ELAVL2: variants seen among roughly 807,000 people sequenced by gnomAD.
ELAVL2 encodes the protein ELAV-like protein 2.
A neutral mutation model predicts 34.6 loss-of-function variants in ELAVL2; 4 were observed. The observed-to-expected ratio is 0.12, with a 90% CI of 0.06 to 0.26. ELAVL2 has a LOEUF of 0.26. Among genes scored for constraint, ELAVL2 ranks in the 10% least tolerant of loss-of-function variants. The pLI is 1.00. For synonymous variants in ELAVL2, 193 were observed against 154.8 expected, an observed-to-expected ratio of 1.25 and a Z score of -1.83; for missense variants, 432 against 442.8, an observed-to-expected ratio of 0.98 and a Z score of 0.22.
chr9:23,697,295 C>T (rs1267331731), intron 5 of ELAVL2, among the ~76,000 whole-genome samples: 1 of 152,144 alleles, frequency 6.6e-6, no homozygotes, highest in Non-Finnish European at 1.5e-5. Flanking sequence ...ATTTCTCCTA[C>T]TCTTAGTACA....
chr9:23,798,167 T>A (rs1378344175), intron 1 of ELAVL2, among the ~76,000 whole-genome samples: 1 of 152,190 alleles, frequency 6.6e-6, no homozygotes, highest in East Asian at 1.9e-4. Context: ...CTTACAAGAT[T>A]CTAACTCAAA....
intron 1 of ELAVL2, among the ~76,000 whole-genome samples, chr9:23,820,360 G>A (rs898938992): frequency 1.3e-5 from 2 of 152,172 alleles, no homozygotes; most frequent in Non-Finnish European, 2.9e-5. Context: ...TGTCCTTGCC[G>A]AAGGTATTAC....
intron 2 of ELAVL2, among the ~76,000 whole-genome samples, chr9:23,759,356 G>A (rs1281686090): frequency 6.6e-6 from 1 of 151,848 alleles, no homozygotes; most frequent in Non-Finnish European, 1.5e-5. Context: ...GAAAAATGCT[G>A]ATCTCATTGG....
At chr9:23,775,552 T>A (rs1425391884) in intron 1 of ELAVL2, among the ~76,000 whole-genome samples, 8 of 152,134 alleles carry the variant, frequency 5.3e-5, no homozygotes, top group African/African-American at 1.9e-4. Flanking sequence ...CTTTCTCCAA[T>A]CCTTCCTCCA....
chr9:23,711,024 C>T (rs2040797175), intron 3 of ELAVL2, among the ~76,000 whole-genome samples: 1 of 152,140 alleles, frequency 6.6e-6, no homozygotes, highest in East Asian at 1.9e-4. Flanking sequence ...GTCTCAAACA[C>T]ACATCAAGGC....
chr9:23,762,276 C>A, intron 1 of ELAVL2, 27 bp from the exon 2 acceptor site: 1 of 1,609,666 alleles, frequency 6.2e-7, no homozygotes, highest in Non-Finnish European at 8.5e-7. Context: ...CAAGAAATGT[C>A]AGAATTCATA....
intron 1 of ELAVL2, among the ~76,000 whole-genome samples, chr9:23,805,632 A>G (rs529567316): frequency 1.3e-5 from 2 of 152,352 alleles, no homozygotes; most frequent in South Asian, 4.1e-4. Flanking sequence ...ACCTGGCCCA[A>G]TAACGCTTCT....
chr9:23,731,527 ACAT>A (rs1436556741), intron 2 of ELAVL2, among the ~76,000 whole-genome samples: 3 of 152,186 alleles, frequency 2.0e-5, no homozygotes, highest in African/African-American at 7.2e-5. Flanking sequence ...AAGACAGAAA[ACAT>A]CAACCAAGAA....
chr9:23,762,209 G>T lies in ELAVL2; in HGVS notation c.26C>A (p.Pro9Gln). The T allele has an allele frequency of 6.2e-7, 1 of 1,613,484 alleles. No homozygotes were observed. Among genetic ancestry groups the T allele is most frequent in the East Asian group, 2.2e-5 (1 of 44,864 alleles). Reference protein sequence around the residue: METQLSNGPTCNNTANGPT... With the variant: METQLSNGQTCNNTANGPT... ...ACCATTGGCTGTGTTATTGCAAGTT[G>T]GCCCATTAGACAGTTGTGTTTCCAT... The change falls in exon 2 of 7, where the codon CCA becomes CAA. Residue 9 changes from proline to glutamine, a missense_variant. Physicochemically the swap from Pro to Gln is moderately conservative, Grantham distance 76. This residue lies in a region of ELAVL2 where 132 missense variants were observed against 118.3 expected (regional missense o/e 1.12). Transcript: ENST00000397312.
At chr9:23,759,024 T>TA (rs1427158599) in intron 2 of ELAVL2, among the ~76,000 whole-genome samples, 2 of 151,836 alleles carry the variant, frequency 1.3e-5, no homozygotes, top group African/African-American at 4.8e-5. Flanking sequence ...CTCAAAAAAT[T>TA]AAAAACAGAA....
In ELAVL2 at chr9:23,742,736, C is replaced by T. The variant is rs529689643; in HGVS notation, c.230-11611G>A. On this transcript the variant is annotated intron_variant, in intron 2 of 6. Transcript: ENST00000397312. Reference sequence around the variant, plus strand: ...AATTTCCAAAGGACATCCATCGTCCCCAGTCGACACAAGGATTAAGTATAA... The same window carrying T: ...AATTTCCAAAGGACATCCATCGTCCTCAGTCGACACAAGGATTAAGTATAA... 3.9e-5 allele frequency among the ~76,000 whole-genome samples: 6 copies of T among 152,238 alleles called. No individual in the cohort carries two copies. The East Asian group carries it at 1.2e-3, about 29-fold the overall frequency.
chr9:23,733,541 G>A (rs2047116362), intron 2 of ELAVL2, among the ~76,000 whole-genome samples: 1 of 152,188 alleles, frequency 6.6e-6, no homozygotes, highest in African/African-American at 2.4e-5. Flanking sequence ...TTTCACAGTT[G>A]CGTTGTTTAG....
chr9:23,759,784 AT>A (rs756149022), intron 2 of ELAVL2, among the ~76,000 whole-genome samples: 6,812 of 132,250 alleles, frequency 0.052, 275 homozygotes, highest in East Asian at 0.15. Context: ...ATATATATAT[AT>A]ATATAATGTA....
At chr9:23,728,808 G>A (rs1461788293) in intron 3 of ELAVL2, among the ~76,000 whole-genome samples, 2 of 152,066 alleles carry the variant, frequency 1.3e-5, no homozygotes, top group Non-Finnish European at 2.9e-5. Flanking sequence ...ATATACTTGT[G>A]GGAAATGGTC....
At chr9:23,773,865 TATC>T (rs998919858) in intron 1 of ELAVL2, among the ~76,000 whole-genome samples, 1 of 152,136 alleles carries the variant, frequency 6.6e-6, no homozygotes, top group African/African-American at 2.4e-5. Context: ...CAGAGGGTAT[TATC>T]ATTATTGCTG....
intron 1 of ELAVL2, among the ~76,000 whole-genome samples, chr9:23,787,997 G>A (rs996720745): frequency 1.3e-5 from 2 of 152,132 alleles, no homozygotes; most frequent in African/African-American, 2.4e-5. Flanking sequence ...TCCAAGCAGT[G>A]ATTAAAAAGG....
chr9:23,785,650 A>G (rs923890758), intron 1 of ELAVL2, among the ~76,000 whole-genome samples: 15 of 152,212 alleles, frequency 9.9e-5, no homozygotes, highest in Non-Finnish European at 1.6e-4. Context: ...TCCCAGTATG[A>G]GTACGAATCA....
chr9:23,702,709 T>C (rs1283005419), intron 4 of ELAVL2, among the ~76,000 whole-genome samples: 1 of 151,942 alleles, frequency 6.6e-6, no homozygotes, highest in African/African-American at 2.4e-5. Context: ...ACAGCCCCTA[T>C]CACTTTACCT....
intron 5 of ELAVL2, among the ~76,000 whole-genome samples, chr9:23,693,765 G>A (rs1422164987): frequency 6.6e-6 from 1 of 152,292 alleles, no homozygotes; most frequent in Non-Finnish European, 1.5e-5. Flanking sequence ...AAAGCTCTGG[G>A]ATAGTTAACT....
Sources: gnomAD v4.1 joint callset for allele counts (sites outside exome capture counted in the v4.1 genomes callset) on GRCh38, gnomAD v4.1.1 for gene constraint, gnomAD v4.1.1 regional missense constraint, MANE v1.5 for transcripts, NCBI Gene and HGNC (gene_info 2026-07-23, HGNC 2026-07-21) for gene names.